The following IL1RAPL2 variants were observed in gnomAD, a reference collection of about 807,000 sequenced individuals.
The protein encoded by IL1RAPL2 is interleukin 1 receptor accessory protein like 2, also known as X-linked interleukin-1 receptor accessory protein-like 2.
IL1RAPL2 carries 3 observed loss-of-function variants against 44.1 expected under a neutral mutation model. The observed-to-expected ratio is 0.07, with a 90% CI of 0.03 to 0.18. IL1RAPL2 has a LOEUF of 0.18. Among genes scored for constraint, IL1RAPL2 ranks in the 10% least tolerant of loss-of-function variants. The probability of loss-of-function intolerance (pLI) is 1.00; values close to 1 mark genes in which losing one functional copy is unlikely to be tolerated. For missense variants in IL1RAPL2, 391 were observed against 496.4 expected (o/e 0.79, Z 2.02); for synonymous variants, 181 against 178.8 (o/e 1.01, Z -0.10).
intron 5 of IL1RAPL2, among the ~76,000 whole-genome samples, chrX:105,477,014 C>A (rs1394876490): frequency 8.9e-6 from 1 of 111,972 alleles, no homozygotes; most frequent in Non-Finnish European, 1.9e-5. Flanking sequence ...AAGCAGCTAG[C>A]CTTATGAGAG....
At chrX:105,584,265 TTC>T (rs1487066741) in intron 6 of IL1RAPL2, among the ~76,000 whole-genome samples, 1 of 111,702 alleles carries the variant, frequency 9.0e-6, no homozygotes, top group Non-Finnish European at 1.9e-5. Flanking sequence ...AGTTTTTACT[TTC>T]TGTTTTGTAG....
At chrX:105,512,041 T>TA (rs1211806731) in intron 6 of IL1RAPL2, among the ~76,000 whole-genome samples, 19 of 111,039 alleles carry the variant, frequency 1.7e-4, no homozygotes, top group Admixed American at 4.8e-4. Context: ...TTCAAACTGT[T>TA]AATGTCTTTT....
At chrX:105,435,458 T>C (rs749029377) in intron 5 of IL1RAPL2, among the ~76,000 whole-genome samples, 14 of 111,735 alleles carry the variant, frequency 1.3e-4, no homozygotes, top group East Asian at 2.8e-4. Flanking sequence ...AGTAAATTAG[T>C]TCAGCCATTG....
chrX:105,376,088 T>C (rs1332900225), intron 5 of IL1RAPL2, among the ~76,000 whole-genome samples: 1 of 111,768 alleles, frequency 8.9e-6, no homozygotes, highest in Non-Finnish European at 1.9e-5. Context: ...GCAACGAAGA[T>C]TAGATGATTA....
intron 2 of IL1RAPL2, among the ~76,000 whole-genome samples, chrX:104,733,266 T>C (rs1292338744): frequency 9.0e-6 from 1 of 111,105 alleles, no homozygotes; most frequent in African/African-American, 3.3e-5. Context: ...AAACTTATTG[T>C]GAAAGAATGA....
At chrX:104,980,775 C>T (rs753155206) in intron 2 of IL1RAPL2, among the ~76,000 whole-genome samples, 2 of 111,885 alleles carry the variant, frequency 1.8e-5, no homozygotes, top group Non-Finnish European at 1.9e-5. Context: ...GTTCTTTTTG[C>T]TTAGGATTGC....
In IL1RAPL2 at chrX:105,758,743, G is replaced by GGTCT. The variant is rs923599578; in HGVS notation, c.1363+3401_1363+3404dup. On this transcript the variant is annotated intron_variant, in intron 10 of 10. Coordinates refer to ENST00000372582, the MANE Select transcript of IL1RAPL2 (RefSeq NM_017416.2). ...AATTCTTACTTTCCAGTAAAAGTTTGGTCTGTCTTTTCCCAGACTAGAAAC... is the reference window on the plus strand; with the variant it reads ...AATTCTTACTTTCCAGTAAAAGTTTGGTCTGTCTGTCTTTTCCCAGACTAGAAAC... Among the ~76,000 whole-genome samples the GGTCT allele has an allele frequency of 2.3e-3, 252 of 111,914 alleles. 3 individuals are homozygous for GGTCT. Among genetic ancestry groups the GGTCT allele is most frequent in the African/African-American group, 7.6e-3 (235 of 30,793 alleles).
intron 2 of IL1RAPL2, among the ~76,000 whole-genome samples, chrX:104,879,681 G>A (rs993040396): frequency 8.9e-6 from 1 of 111,884 alleles, no homozygotes; most frequent in Admixed American, 9.5e-5. Context: ...AATTATCACA[G>A]TAGTTTCTGC....
intron 2 of IL1RAPL2, among the ~76,000 whole-genome samples, chrX:105,129,822 T>C (rs753447464): frequency 6.3e-5 from 7 of 110,543 alleles, no homozygotes; most frequent in African/African-American, 2.3e-4. Flanking sequence ...GGGCAACTCT[T>C]CTGCTTAGAA....
At chrX:104,730,360 C>T (rs774768981) in intron 2 of IL1RAPL2, among the ~76,000 whole-genome samples, 5 of 80,210 alleles carry the variant, frequency 6.2e-5, no homozygotes, top group Non-Finnish European at 1.1e-4. Flanking sequence ...TCTCCTAATG[C>T]TATCCCTCCC....
At chrX:104,889,139 A>G (rs755938887) in intron 2 of IL1RAPL2, among the ~76,000 whole-genome samples, 1 of 110,604 alleles carries the variant, frequency 9.0e-6, no homozygotes, top group African/African-American at 3.3e-5. Flanking sequence ...CCCAAAAGTC[A>G]TCATCTCCTC....
chrX:104,681,352 C>A (rs1930889023), intron 2 of IL1RAPL2, among the ~76,000 whole-genome samples: 1 of 112,069 alleles, frequency 8.9e-6, no homozygotes, highest in Non-Finnish European at 1.9e-5. Flanking sequence ...TGGAGAAGTA[C>A]AAGTTCCCCT....
At chrX:104,580,520 A>G (rs927098004) in intron 1 of IL1RAPL2, among the ~76,000 whole-genome samples, 3 of 112,547 alleles carry the variant, frequency 2.7e-5, no homozygotes, top group African/African-American at 9.7e-5. Flanking sequence ...ATGGCACCTC[A>G]GGCAACCTGA....
intron 8 of IL1RAPL2, among the ~76,000 whole-genome samples, chrX:105,744,322 G>C (rs150613066): frequency 8.2e-4 from 91 of 111,492 alleles, no homozygotes; most frequent in African/African-American, 2.7e-3. Flanking sequence ...GGTCTCCTTA[G>C]GAGCTTCTGA....
intron 2 of IL1RAPL2, among the ~76,000 whole-genome samples, chrX:104,961,609 C>G (rs975942026): frequency 1.8e-5 from 2 of 111,418 alleles, no homozygotes; most frequent in African/African-American, 6.5e-5. Flanking sequence ...TCCCTCTACC[C>G]CATTCCTCCA....
chrX:105,097,330 C>CAAAAAAAAAAAAAAAAAAAAA (rs201390547), intron 2 of IL1RAPL2, among the ~76,000 whole-genome samples: 1 of 43,199 alleles, frequency 2.3e-5, no homozygotes, highest in African/African-American at 1.1e-4. Flanking sequence ...CAGTGTCAGA[C>CAAAAAAAAAAAAAAAAAAAAA]AAAAAAAAAA....
chrX:105,680,896 A>T (rs954479761), intron 6 of IL1RAPL2, among the ~76,000 whole-genome samples: 2 of 112,026 alleles, frequency 1.8e-5, no homozygotes, highest in Non-Finnish European at 3.8e-5. Flanking sequence ...AGCCTTCGGA[A>T]ATGAGGACCC....
chrX:104,932,033 C>A (rs1463925273), intron 2 of IL1RAPL2, among the ~76,000 whole-genome samples: 1 of 101,783 alleles, frequency 9.8e-6, no homozygotes, highest in Non-Finnish European at 2.0e-5. Flanking sequence ...ACTCTTGTCA[C>A]CCAGCTGGAG....
intron 2 of IL1RAPL2, among the ~76,000 whole-genome samples, chrX:104,774,897 G>A (rs1932693805): frequency 8.9e-6 from 1 of 111,756 alleles, no homozygotes; most frequent in African/African-American, 3.3e-5. Flanking sequence ...GACAAAATAT[G>A]GCACATCAAC....
Sources: gnomAD v4.1 joint callset for allele counts (sites outside exome capture counted in the v4.1 genomes callset) on GRCh38, gnomAD v4.1.1 for gene constraint, MANE v1.5 for transcripts, NCBI Gene and HGNC (gene_info 2026-07-23, HGNC 2026-07-21) for gene names.